The following C7orf33 variants were observed in gnomAD, a reference collection of about 807,000 sequenced individuals.
C7orf33 encodes the protein uncharacterized protein C7orf33.
In C7orf33, 15 loss-of-function variants were observed where a neutral mutation model predicts 13.4. The ratio of observed to expected loss-of-function variants is 1.12; its 90% CI spans 0.75 to 1.72. The LOEUF (loss-of-function observed/expected upper bound fraction) is 1.72, where lower values mean the gene tolerates loss of function less well. Ranked by LOEUF, C7orf33 falls within the 40% of genes most tolerant of loss-of-function variation. The pLI is 0.00. For synonymous variants in C7orf33, 73 were observed against 83.2 expected (o/e 0.88, Z 0.67); for missense variants, 187 against 220.3 (o/e 0.85, Z 0.96).
chr7:148,599,654 T>C (rs1796390798), intron 1 of C7orf33, among the ~76,000 whole-genome samples: 1 of 152,010 alleles, frequency 6.6e-6, no homozygotes, highest in South Asian at 2.1e-4. Flanking sequence ...TTTGTATTTT[T>C]AGTAGAGATG....
rs577266418 is a variant in C7orf33, at chr7:148,611,691, A to G, written c.205-2351A>G. Reference sequence around the variant, plus strand: ...GTCACACTGGCCCTCTGCCCTTGCAATAAGGCAGAGGGTCCATTGAGCTGA... The same window carrying G: ...GTCACACTGGCCCTCTGCCCTTGCAGTAAGGCAGAGGGTCCATTGAGCTGA... On this transcript the variant is annotated intron_variant, in intron 1 of 2. Transcript: ENST00000307003. 7.0e-4 allele frequency among the ~76,000 whole-genome samples: 107 copies of G among 152,334 alleles called. 1 individual carries two copies. Among genetic ancestry groups the G allele is most frequent in the Middle Eastern group, 3.4e-3 (1 of 294 alleles).
rs1468466 is a variant in C7orf33, at chr7:148,615,786, C to T, written c.*385C>T. ...AGAGTTTACAACTGAAACACACTGTCATTTATGATATTATTTGTAATATCT... is the reference window on the plus strand; with the variant it reads ...AGAGTTTACAACTGAAACACACTGTTATTTATGATATTATTTGTAATATCT... On this transcript the variant is annotated 3_prime_UTR_variant, in exon 3 of 3. Transcript: ENST00000307003. The T allele has an allele frequency of 0.024, 4,049 of 169,858 alleles. 184 individuals are homozygous for T. The highest frequency in any genetic ancestry group is 0.089 in the African/African-American group (3,762 of 42,370). 10.5% of individuals were successfully genotyped at this position (169,858 alleles called of 1,614,324 possible).
At chr7:148,601,489 G>A (rs564222127) in intron 1 of C7orf33, among the ~76,000 whole-genome samples, 1 of 151,800 alleles carries the variant, frequency 6.6e-6, no homozygotes, top group Non-Finnish European at 1.5e-5. Context: ...AGGACTTCAG[G>A]CATGTACCAC....
chr7:148,604,478 A>G (rs377291738), intron 1 of C7orf33, among the ~76,000 whole-genome samples: 1 of 152,172 alleles, frequency 6.6e-6, no homozygotes. Context: ...ACCAAACATC[A>G]TATGTTCTCA....
intron 1 of C7orf33, among the ~76,000 whole-genome samples, chr7:148,605,084 TA>T (rs1457369670): frequency 1.3e-5 from 2 of 151,958 alleles, no homozygotes. Flanking sequence ...ATACAAAAAT[TA>T]GTCAGGCATG....
intron 1 of C7orf33, among the ~76,000 whole-genome samples, chr7:148,608,632 T>G (rs1796501512): frequency 6.6e-6 from 1 of 151,602 alleles, no homozygotes; most frequent in Non-Finnish European, 1.5e-5. Context: ...CTGGCCAACA[T>G]GGAGAAACCC....
At chr7:148,595,561 CTATATAATA>C (rs1796325259) in intron 1 of C7orf33, among the ~76,000 whole-genome samples, 1 of 118,574 alleles carries the variant, frequency 8.4e-6, no homozygotes, top group Non-Finnish European at 1.6e-5. Flanking sequence ...TAACATATAG[CTATATAATA>C]TATATAATAT....
chr7:148,612,345 A>G (rs547111170), intron 1 of C7orf33, among the ~76,000 whole-genome samples: 10 of 152,356 alleles, frequency 6.6e-5, no homozygotes, highest in African/African-American at 2.2e-4. Flanking sequence ...TTGAAGAGCT[A>G]GATATTTCTT....
chr7:148,614,343 G>A (rs1796579070), intron 2 of C7orf33, 47 bp downstream of exon 2: 8 of 1,571,882 alleles, frequency 5.1e-6, no homozygotes, highest in African/African-American at 2.7e-5. Flanking sequence ...GGAAACCCAC[G>A]GGATGCTCTG....
At chr7:148,595,426 T>C (rs1241647264) in intron 1 of C7orf33, among the ~76,000 whole-genome samples, 1 of 132,076 alleles carries the variant, frequency 7.6e-6, no homozygotes, top group Non-Finnish European at 1.5e-5. Context: ...ATTATATAGA[T>C]ATATCTATAT....
At chr7:148,591,228 C>T in intron 1 of C7orf33, 99 bp downstream of exon 1, 2 of 1,043,518 alleles carry the variant, frequency 1.9e-6, no homozygotes, top group Non-Finnish European at 2.9e-6. Context: ...TGACTCTCTA[C>T]TATGTGTTAT....
At chr7:148,606,596 A>G (rs914337373) in intron 1 of C7orf33, among the ~76,000 whole-genome samples, 7 of 152,110 alleles carry the variant, frequency 4.6e-5, no homozygotes, top group African/African-American at 1.7e-4. Context: ...ACAAACAAAC[A>G]AAAACGGAGT....
chr7:148,612,289 T>C (rs187500338), intron 1 of C7orf33, among the ~76,000 whole-genome samples: 1 of 152,336 alleles, frequency 6.6e-6, no homozygotes, highest in Admixed American at 6.5e-5. Context: ...GCATTAATAA[T>C]GAACTTCCCA....
intron 1 of C7orf33, among the ~76,000 whole-genome samples, chr7:148,593,780 A>G (rs1384800449): frequency 1.3e-5 from 2 of 152,128 alleles, no homozygotes; most frequent in Non-Finnish European, 2.9e-5. Flanking sequence ...TTGACAGGAA[A>G]GGGTCAGAGC....
rs374942329 is a variant in C7orf33 at position 148,593,710 on chromosome 7, AG to A, written c.204+2584del. Reference sequence around the variant, plus strand: ...TTTAGGAAAGGCTGAGCATGAAGCCAGGGTCGGGGGATACAGCCTGTTTGGA... The same window carrying A: ...TTTAGGAAAGGCTGAGCATGAAGCCAGGTCGGGGGATACAGCCTGTTTGGA... On this transcript the variant is annotated intron_variant, in intron 1 of 2. Transcript: ENST00000307003. 5.3e-5 allele frequency among the ~76,000 whole-genome samples: 8 copies of A among 152,316 alleles called. 1 individual carries two copies. Among genetic ancestry groups the A allele is most frequent in the African/African-American group, 1.9e-4 (8 of 41,570 alleles).
chr7:148,602,041 A>C (rs951955800), intron 1 of C7orf33, among the ~76,000 whole-genome samples: 1 of 152,100 alleles, frequency 6.6e-6, no homozygotes, highest in African/African-American at 2.4e-5. Context: ...GAGCCACAGC[A>C]CCCGGCCCAA....
intron 1 of C7orf33, among the ~76,000 whole-genome samples, chr7:148,608,500 G>A (rs557923574): frequency 6.6e-6 from 1 of 151,864 alleles, no homozygotes; most frequent in Non-Finnish European, 1.5e-5. Flanking sequence ...ACTCGACATG[G>A]ACTTAAGAGC....
rs147689956 is a variant in C7orf33 at position 148,590,988 on chromosome 7, A to T, written c.63A>T (p.Gln21His). The T allele has an allele frequency of 6.2e-7, 1 of 1,614,130 alleles. No individual in the cohort carries two copies. The highest frequency in any genetic ancestry group is 1.6e-4 in the Middle Eastern group (1 of 6,062). The part of the protein sequence containing the change: ...EECPWRLPGP[Q>H]CECEALLPSG... ...GTCCCTGGAGACTTCCAGGCCCCCA[A>T]TGTGAATGTGAAGCCCTCCTGCCCA... Residue 21 changes from glutamine (Q) to histidine (H), a missense_variant, in exon 1 of 3, where the codon CAA becomes CAT. Gln to His is a conservative substitution (Grantham distance 24, BLOSUM62 0). Coordinates refer to ENST00000307003, the MANE Select transcript of C7orf33 (RefSeq NM_145304.4).
At chr7:148,604,536 A>G (rs1172304414) in intron 1 of C7orf33, among the ~76,000 whole-genome samples, 2 of 152,166 alleles carry the variant, frequency 1.3e-5, no homozygotes, top group Non-Finnish European at 2.9e-5. Flanking sequence ...ATAGTGATAC[A>G]GTGGACTTTG....
Sources: gnomAD v4.1 joint callset for allele counts (sites outside exome capture counted in the v4.1 genomes callset) on GRCh38, gnomAD v4.1.1 for gene constraint, MANE v1.5 for transcripts, NCBI Gene and HGNC (gene_info 2026-07-23, HGNC 2026-07-21) for gene names.